Variants in SPG7 observed in about 807,000 individuals in gnomAD.
SPG7 encodes mitochondrial inner membrane m-AAA protease component paraplegin.
SPG7 carries 103 observed loss-of-function variants against 81.9 expected under a neutral mutation model. The ratio of observed to expected loss-of-function variants is 1.26; its 90% CI spans 1.07 to 1.48. The LOEUF is 1.48. SPG7 is among the 40% of genes most tolerant of loss of function. The pLI is 0.00. For synonymous variants in SPG7, 534 were observed against 444.2 expected (o/e 1.20, Z -2.54); for missense variants, 1,241 against 1,087.3 (o/e 1.14, Z -1.99).
At chr16:89,536,903 T>C (rs1343200344) in intron 9 of SPG7, 1 of 1,614,010 alleles carries the variant, frequency 6.2e-7, no homozygotes, top group Non-Finnish European at 8.5e-7. Flanking sequence ...GGTTGCCTTT[T>C]GCACTGAAGA....
chr16:89,547,715 C>G, intron 11 of SPG7: 1 of 405,594 alleles, frequency 2.5e-6, no homozygotes, highest in South Asian at 2.1e-5. Flanking sequence ...TGGGTTCAAC[C>G]GATTTTCCTG....
At chr16:89,510,788 C>T (rs141418340) in intron 2 of SPG7, among the ~76,000 whole-genome samples, 196 bp downstream of exon 2, 204 of 152,270 alleles carry the variant, frequency 1.3e-3, no homozygotes, top group Non-Finnish European at 2.3e-3. Context: ...ACTTTGCTTC[C>T]GGAGTAGCTA....
Position 89,554,471 on chromosome 16 carries a change from T to G in SPG7, c.2104-15T>G. 1 of 1,596,928 alleles carries G rather than the reference T, an allele frequency of 6.3e-7. No individual in the cohort carries two copies. On this transcript the variant is annotated splice_polypyrimidine_tract_variant and intron_variant, in intron 15 of 16. Transcript: ENST00000645818. ...CGGCCAGCCTTGCCCCTGACACAGT[T>G]CCCTCCACTCACAGGAAGCAAGACT...
Position 89,531,617 on chromosome 16 carries a change from G to A in SPG7, c.988-287G>A, listed in dbSNP as rs1260807555. Reference sequence around the variant, plus strand: ...TCAAACTCCTGATCTCAAGCTACGCGCCTGCCTCAGCCTCCCAAAATGTTG... The same window carrying A: ...TCAAACTCCTGATCTCAAGCTACGCACCTGCCTCAGCCTCCCAAAATGTTG... On this transcript the variant is annotated intron_variant, in intron 7 of 16. Coordinates refer to ENST00000645818, the MANE Select transcript of SPG7 (RefSeq NM_003119.4). 27 of 441,108 alleles carry A rather than the reference G, an allele frequency of 6.1e-5. No individual in the cohort carries two copies. In the Admixed American group the frequency reaches 7.3e-4, roughly 12 times the overall value. The allele number at this position is 441,108 out of a possible 1,614,324, so 27.3% of individuals were successfully genotyped here.
chr16:89,550,343 T>C (rs2058620460), intron 12 of SPG7, 151 bp from the exon 13 acceptor site: 1 of 666,894 alleles, frequency 1.5e-6, no homozygotes, highest in Admixed American at 2.1e-5. Context: ...TAGCTAATTT[T>C]TCTATTTTTA....
intron 12 of SPG7, 23 bp from the exon 13 acceptor site, chr16:89,550,471 C>T (rs368334200): frequency 3.8e-6 from 6 of 1,576,014 alleles, no homozygotes; most frequent in Non-Finnish European, 5.2e-6. Flanking sequence ...CCGCGCCCAA[C>T]TCATACCCCG....
At chr16:89,553,721 G>T in intron 14 of SPG7, 73 bp from the exon 15 acceptor site, 1 of 1,491,302 alleles carries the variant, frequency 6.7e-7, no homozygotes, top group South Asian at 1.1e-5. Flanking sequence ...TGCTCTGACC[G>T]GGACACCTGG....
chr16:89,524,105 G>C lies in SPG7; in HGVS notation c.476G>C (p.Ser159Thr). Reference protein sequence around the residue: ...AVVMSLLNALSTSGGSISWND... With the variant: ...AVVMSLLNALTTSGGSISWND... ...GTCATGAGCCTCCTGAATGCTCTCA[G>C]CACCAGCGGAGGCAGCATTTCCTGG... Residue 159 changes from serine to threonine, a missense_variant, in exon 4 of 17, where the codon AGC becomes ACC. Coordinates refer to ENST00000645818, the MANE Select transcript of SPG7 (RefSeq NM_003119.4). The C allele has an allele frequency of 1.9e-6, 3 of 1,614,054 alleles. No individual in the cohort carries two copies. Among genetic ancestry groups the C allele is most frequent in the Non-Finnish European group, 2.5e-6 (3 of 1,180,044 alleles).
At chr16:89,538,884 A>T (rs561074882) in intron 9 of SPG7, 54 of 152,444 alleles carry the variant, frequency 3.5e-4, no homozygotes, top group African/African-American at 1.3e-3. Context: ...CCGGTCCTTT[A>T]TCCTGAGTTT....
intron 16 of SPG7, chr16:89,555,084 CTT>C (rs1429443142): frequency 1.4e-3 from 180 of 130,186 alleles, no homozygotes; most frequent in South Asian, 5.0e-3. Context: ...CTCGGCTTTT[CTT>C]TTTTTTTTTT....
chr16:89,554,970 C>T (rs959735674), intron 16 of SPG7: 39 of 225,112 alleles, frequency 1.7e-4, no homozygotes, highest in Non-Finnish European at 3.0e-4. Context: ...GGCTGGAGTG[C>T]GATGGCGACA....
chr16:89,553,361 A>G (rs1313747552), intron 14 of SPG7: 2 of 585,950 alleles, frequency 3.4e-6, no homozygotes, highest in East Asian at 2.9e-5. Context: ...CTCTAGACAC[A>G]TTTAATTGGT....
rs748504736 is a variant in SPG7, at chr16:89,508,435, G to A, written c.18G>A (p.Leu6=). 8 of 1,498,626 alleles carry A rather than the reference G, an allele frequency of 5.3e-6. No individual in the cohort carries two copies. The South Asian group carries it at 9.9e-5, about 19-fold the overall frequency. 92.8% of individuals were successfully genotyped at this position (1,498,626 alleles called of 1,614,324 possible). A position where few individuals can be genotyped will look rare whatever the true frequency, so the allele number is the denominator to read the frequency against. The change falls in exon 1 of 17, where the codon CTG becomes CTA. Residue 6 remains leucine (L), a synonymous_variant. Coordinates refer to ENST00000645818, the MANE Select transcript of SPG7 (RefSeq NM_003119.4). ...AGGCCAACATGGCCGTGCTGCTGCT[G>A]CTGCTCCGTGCCCTCCGCCGGGGTC... MAVLL[L]LLRALRRGPG... is the part of the protein sequence containing the mutation.
chr16:89,524,953 CTT>C (rs34661848), intron 4 of SPG7, among the ~76,000 whole-genome samples: 16 of 118,920 alleles, frequency 1.3e-4, no homozygotes, highest in Non-Finnish European at 1.2e-4. Flanking sequence ...TTTTCTTTTG[CTT>C]TTTTTTTTTT....
chr16:89,550,813 C>A (rs1321657256), intron 13 of SPG7, among the ~76,000 whole-genome samples: 1 of 152,196 alleles, frequency 6.6e-6, no homozygotes, highest in African/African-American at 2.4e-5. Flanking sequence ...TGGGCGGGAA[C>A]TCGGACGTGG....
chr16:89,548,945 C>T (rs758161647), intron 12 of SPG7: 63 of 454,288 alleles, frequency 1.4e-4, no homozygotes, highest in Non-Finnish European at 2.3e-4. Context: ...ACCCTCAATT[C>T]GAGTGAATTC....
intron 4 of SPG7, among the ~76,000 whole-genome samples, chr16:89,525,214 C>T (rs935886442): frequency 6.6e-6 from 1 of 152,170 alleles, no homozygotes; most frequent in African/African-American, 2.4e-5. Flanking sequence ...GTGATCCTTA[C>T]ACCTTGGCCT....
intron 8 of SPG7, 91 bp downstream of exon 8, chr16:89,532,157 A>C: frequency 7.2e-7 from 1 of 1,380,296 alleles, no homozygotes; most frequent in Non-Finnish European, 1.0e-6. Context: ...ACTGAAAGGG[A>C]CACGGGTGGG....
chr16:89,512,550 A>C (rs2152394611), intron 2 of SPG7, among the ~76,000 whole-genome samples: 1 of 152,168 alleles, frequency 6.6e-6, no homozygotes, highest in Middle Eastern at 3.4e-3. Flanking sequence ...TGACCTCGTG[A>C]ACCACCTGCC....
Sources: allele counts gnomAD v4.1 joint callset (sites outside exome capture counted in the v4.1 genomes callset), GRCh38; gene constraint gnomAD v4.1.1; transcripts MANE v1.5; gene names NCBI Gene and HGNC (gene_info 2026-07-23, HGNC 2026-07-21).